Variants in ELK3 observed in about 807,000 individuals in gnomAD.
The protein encoded by ELK3 is ETS domain-containing protein Elk-3.
A neutral mutation model predicts 28.9 loss-of-function variants in ELK3; 10 were observed. The ratio of observed to expected loss-of-function variants is 0.35; its 90% CI spans 0.21 to 0.59. ELK3 has a LOEUF of 0.59. ELK3 is among the 20% of genes least tolerant of loss of function. The pLI, the probability that ELK3 is intolerant of heterozygous loss-of-function variation, is 0.82. For synonymous variants in ELK3, 272 were observed against 243.5 expected (o/e 1.12, Z -1.09); for missense variants, 463 against 517.3 (o/e 0.90, Z 1.02).
chr12:96,235,077 T>C (rs1305710571), intron 2 of ELK3, among the ~76,000 whole-genome samples: 1 of 152,036 alleles, frequency 6.6e-6, no homozygotes, highest in Non-Finnish European at 1.5e-5. Context: ...ACGCTTCCTA[T>C]GGAAAGTACT....
At chr12:96,236,911 C>G (rs1311465791) in intron 2 of ELK3, among the ~76,000 whole-genome samples, 2 of 152,166 alleles carry the variant, frequency 1.3e-5, no homozygotes, top group Non-Finnish European at 2.9e-5. Flanking sequence ...AGGGAAAAAT[C>G]CCCCCTTCCT....
Position 96,268,971 on chromosome 12 carries a change from A to G in ELK3, c.*1791A>G, listed in dbSNP as rs1159944708. On this transcript the variant is annotated 3_prime_UTR_variant, in exon 5 of 5. Coordinates refer to ENST00000228741, the MANE Select transcript of ELK3 (RefSeq NM_005230.4). ...CATAGGCTAAGAATAATTCTGTACC[A>G]GAATAAAAGGAGCTGGTCCAGGGAA... The G allele has an allele frequency of 7.2e-6, 1 of 138,322 alleles. No individual in the cohort carries two copies. Among genetic ancestry groups the G allele is most frequent in the African/African-American group, 2.7e-5 (1 of 36,526 alleles). The allele number at this position is 138,322 out of a possible 1,614,324, so 8.6% of individuals were successfully genotyped here.
intron 4 of ELK3, among the ~76,000 whole-genome samples, chr12:96,260,071 A>G (rs1951981951): frequency 6.6e-6 from 1 of 152,240 alleles, no homozygotes; most frequent in Non-Finnish European, 1.5e-5. Context: ...ACGTGGAACA[A>G]TTAGTTCTTA....
chr12:96,199,301 A>G (rs952832536), intron 1 of ELK3, among the ~76,000 whole-genome samples: 11 of 152,190 alleles, frequency 7.2e-5, no homozygotes, highest in South Asian at 4.1e-4. Flanking sequence ...TTCATTTTCT[A>G]TCAGTGGAGT....
Position 96,267,339 on chromosome 12 carries a change from A to G in ELK3, c.*159A>G. ...GTCTAGATTTATGTTAGCATTTTAA[A>G]AACTGTTTTTGATATATTCAAGTAT... On this transcript the variant is annotated 3_prime_UTR_variant, in exon 5 of 5. Transcript: ENST00000228741. The G allele has an allele frequency of 1.7e-6, 1 of 580,948 alleles. No individual in the cohort carries two copies. Among genetic ancestry groups the G allele is most frequent in the South Asian group, 2.5e-5 (1 of 39,774 alleles). 36.0% of individuals were successfully genotyped at this position (580,948 alleles called of 1,614,324 possible).
chr12:96,262,842 C>T (rs1350666261), intron 4 of ELK3, among the ~76,000 whole-genome samples: 7 of 149,876 alleles, frequency 4.7e-5, no homozygotes, highest in Admixed American at 1.3e-4. Flanking sequence ...AATTTAGAGA[C>T]GGGGTCTCAT....
chr12:96,258,209 A>T (rs993915786), intron 3 of ELK3, among the ~76,000 whole-genome samples: 6 of 152,258 alleles, frequency 3.9e-5, no homozygotes, highest in Non-Finnish European at 8.8e-5. Context: ...TTTAACTGTT[A>T]GGCCAGATGG....
chr12:96,230,853 C>T (rs1239837076), intron 2 of ELK3, among the ~76,000 whole-genome samples: 1 of 152,190 alleles, frequency 6.6e-6, no homozygotes, highest in African/African-American at 2.4e-5. Flanking sequence ...CAGGGTTCCG[C>T]ATCCGAGCTC....
Position 96,241,426 on chromosome 12 carries a change from T to TTGTGTGTGTG in ELK3, c.208-5490_208-5481dup, listed in dbSNP as rs57658963. Among the ~76,000 whole-genome samples, 108 of 146,448 alleles carry TTGTGTGTGTG rather than the reference T, an allele frequency of 7.4e-4. 1 individual carries two copies. The highest frequency in any genetic ancestry group is 6.5e-3 in the East Asian group (32 of 4,960). On this transcript the variant is annotated intron_variant, in intron 2 of 4. Coordinates refer to ENST00000228741, the MANE Select transcript of ELK3 (RefSeq NM_005230.4). ...CTCTTCAAAGGGCACAGTGGAGCGTTTGTGTGTGTGTGTGTGTGTGTGTGT... is the reference window on the plus strand; with the variant it reads ...CTCTTCAAAGGGCACAGTGGAGCGTTTGTGTGTGTGTGTGTGTGTGTGTGTGTGTGTGTGT...
chr12:96,263,491 A>C (rs555489812), intron 4 of ELK3, among the ~76,000 whole-genome samples: 2 of 152,364 alleles, frequency 1.3e-5, no homozygotes, highest in South Asian at 4.1e-4. Context: ...TTAAGTTTTC[A>C]ATTAAGAATG....
chr12:96,260,866 C>T (rs975683044), intron 4 of ELK3, among the ~76,000 whole-genome samples: 6 of 152,150 alleles, frequency 3.9e-5, no homozygotes, highest in Non-Finnish European at 8.8e-5. Context: ...TCATCTAGCA[C>T]GTGGCACTTT....
intron 1 of ELK3, among the ~76,000 whole-genome samples, chr12:96,218,459 C>T (rs1951636519): frequency 6.6e-6 from 1 of 151,920 alleles, no homozygotes; most frequent in South Asian, 2.1e-4. Context: ...ACTGGGGACT[C>T]CAAAAGTGGG....
intron 1 of ELK3, among the ~76,000 whole-genome samples, chr12:96,206,310 CTTTTA>C (rs1172874610): frequency 6.6e-6 from 1 of 151,832 alleles, no homozygotes; most frequent in Non-Finnish European, 1.5e-5. Flanking sequence ...TTCTCTTTCC[CTTTTA>C]TTTATTTATT....
At chr12:96,196,610 G>C (rs1201192385) in intron 1 of ELK3, among the ~76,000 whole-genome samples, 4 of 152,040 alleles carry the variant, frequency 2.6e-5, no homozygotes, top group Non-Finnish European at 5.9e-5. Context: ...AGGGCACATG[G>C]GTCAGGCAGT....
At chr12:96,222,173 T>C (rs532645946) in intron 1 of ELK3, among the ~76,000 whole-genome samples, 1 of 152,272 alleles carries the variant, frequency 6.6e-6, no homozygotes, top group African/African-American at 2.4e-5. Flanking sequence ...TTATTATTAT[T>C]ATTACTACTT....
chr12:96,224,560 A>AG (rs1217738151), intron 2 of ELK3, among the ~76,000 whole-genome samples: 7 of 152,252 alleles, frequency 4.6e-5, no homozygotes, highest in African/African-American at 1.7e-4. Context: ...CATAGAGATG[A>AG]GGCAGAGTGC....
At position 96,267,105 on chromosome 12, in the gene ELK3, C is replaced by A. The variant is rs142850366; in HGVS notation, c.1149C>A (p.His383Gln). 2.4e-4 allele frequency: 384 copies of A among 1,613,374 alleles called. 1 individual carries two copies. The highest frequency in any genetic ancestry group is 3.1e-4 in the Non-Finnish European group (360 of 1,179,770). Residue 383 changes from histidine (H) to glutamine (Q), a missense_variant, in exon 5 of 5, where the codon CAC (histidine) becomes CAA (glutamine). His to Gln is a conservative substitution (Grantham distance 24). Around this residue, in one of 2 missense-constraint regions of ELK3, gnomAD observed 408 missense variants for 414.8 expected, o/e 0.98. Transcript: ENST00000228741. ...AGTTCCCCACACTGCTTAATGGCCA[C>A]ATGCCAGTGCCAATCCCCAGTCTGG... ...LFQFPTLLNG[H>Q]MPVPIPSLDR...
chr12:96,210,660 G>C (rs1029443245), intron 1 of ELK3, among the ~76,000 whole-genome samples: 1 of 151,956 alleles, frequency 6.6e-6, no homozygotes, highest in African/African-American at 2.4e-5. Context: ...CGGCCCACTT[G>C]TATCGAGAAC....
At chr12:96,210,561 G>A (rs56413703) in intron 1 of ELK3, among the ~76,000 whole-genome samples, 11,320 of 144,676 alleles carry the variant, frequency 0.078, 707 homozygotes, top group African/African-American at 0.17. Context: ...GCGCGCGGGC[G>A]CACGCACACA....
Sources: gnomAD v4.1 joint callset for allele counts (sites outside exome capture counted in the v4.1 genomes callset) on GRCh38, gnomAD v4.1.1 for gene constraint, gnomAD v4.1.1 regional missense constraint, MANE v1.5 for transcripts, NCBI Gene and HGNC (gene_info 2026-07-23, HGNC 2026-07-21) for gene names.